ASIC2: variants seen among roughly 807,000 people sequenced by gnomAD.
ASIC2 encodes acid-sensing ion channel 2.
A neutral mutation model predicts 57.3 loss-of-function variants in ASIC2; 25 were observed. The ratio of observed to expected loss-of-function variants is 0.44; its 90% CI spans 0.32 to 0.61. The LOEUF (loss-of-function observed/expected upper bound fraction) is 0.61, where lower values mean the gene tolerates loss of function less well. Among genes scored for constraint, ASIC2 ranks in the 20% least tolerant of loss-of-function variants. The pLI is 0.06. For synonymous variants in ASIC2, 319 were observed against 307.5 expected (o/e 1.04, Z -0.39); for missense variants, 641 against 738.1 (o/e 0.87, Z 1.52).
intron 1 of ASIC2, among the ~76,000 whole-genome samples, chr17:33,858,644 A>G (rs528318399): frequency 6.6e-6 from 1 of 152,334 alleles, no homozygotes; most frequent in South Asian, 2.1e-4. Flanking sequence ...CTGCAGCCAA[A>G]GCGAGAGGCC....
intron 3 of ASIC2, among the ~76,000 whole-genome samples, chr17:33,040,378 T>C (rs1383993494): frequency 1.3e-5 from 2 of 152,214 alleles, no homozygotes; most frequent in African/African-American, 4.8e-5. Context: ...CAATGCAATG[T>C]AGTGGCTGGT....
chr17:33,823,203 G>T (rs969806518), intron 1 of ASIC2, among the ~76,000 whole-genome samples: 3 of 152,158 alleles, frequency 2.0e-5, no homozygotes, highest in African/African-American at 7.2e-5. Context: ...CTAGCTCGAT[G>T]ACACAAGGCT....
At chr17:33,478,760 C>A (rs955109584) in intron 1 of ASIC2, among the ~76,000 whole-genome samples, 2 of 152,204 alleles carry the variant, frequency 1.3e-5, no homozygotes, top group Admixed American at 1.3e-4. Flanking sequence ...ATTGATTTGC[C>A]CAAGGTTCTG....
At chr17:33,952,549 T>C (rs1320966025) in intron 1 of ASIC2, among the ~76,000 whole-genome samples, 1 of 152,190 alleles carries the variant, frequency 6.6e-6, no homozygotes, top group South Asian at 2.1e-4. Context: ...AGCAAAATGA[T>C]GGAAGATGCC....
intron 7 of ASIC2, among the ~76,000 whole-genome samples, chr17:33,020,452 C>G (rs991447535): frequency 6.6e-6 from 1 of 152,168 alleles, no homozygotes; most frequent in Non-Finnish European, 1.5e-5. Context: ...ACAGCTATTT[C>G]TCTTTCTGGT....
At chr17:33,405,633 G>A (rs1052673814) in intron 1 of ASIC2, among the ~76,000 whole-genome samples, 3 of 151,764 alleles carry the variant, frequency 2.0e-5, no homozygotes, top group Admixed American at 6.6e-5. Context: ...ACAGGCGCCC[G>A]CCACCACACC....
At chr17:33,497,199 T>C (rs923542777) in intron 1 of ASIC2, among the ~76,000 whole-genome samples, 1 of 152,260 alleles carries the variant, frequency 6.6e-6, no homozygotes, top group Non-Finnish European at 1.5e-5. Flanking sequence ...AATGAATGAA[T>C]GGACAGCTTC....
chr17:33,167,561 A>C (rs990824474), intron 1 of ASIC2, among the ~76,000 whole-genome samples: 4 of 152,134 alleles, frequency 2.6e-5, no homozygotes, highest in African/African-American at 9.7e-5. Flanking sequence ...GTGATGCTAA[A>C]TATATTTTTC....
intron 1 of ASIC2, among the ~76,000 whole-genome samples, chr17:33,436,629 C>T (rs1279641055): frequency 6.6e-6 from 1 of 152,114 alleles, no homozygotes; most frequent in African/African-American, 2.4e-5. Context: ...TCCATAAAAA[C>T]CCAGCCTTTG....
chr17:33,866,649 G>A (rs936419448), intron 1 of ASIC2, among the ~76,000 whole-genome samples: 2 of 151,986 alleles, frequency 1.3e-5, no homozygotes, highest in Non-Finnish European at 2.9e-5. Flanking sequence ...CATCTTTCTG[G>A]TTGCTGCCTT....
intron 1 of ASIC2, among the ~76,000 whole-genome samples, chr17:33,409,344 G>A (rs1910576323): frequency 1.3e-5 from 2 of 152,250 alleles, no homozygotes; most frequent in African/African-American, 4.8e-5. Flanking sequence ...CACAGAAACT[G>A]GAGTGACCTT....
chr17:33,799,890 G>T (rs1430464564), intron 1 of ASIC2, among the ~76,000 whole-genome samples: 1 of 152,068 alleles, frequency 6.6e-6, no homozygotes, highest in African/African-American at 2.4e-5. Context: ...AGACTATCTG[G>T]GTCCCCACAA....
At chr17:33,803,461 T>C (rs932427333) in intron 1 of ASIC2, among the ~76,000 whole-genome samples, 1 of 151,928 alleles carries the variant, frequency 6.6e-6, no homozygotes, top group Non-Finnish European at 1.5e-5. Flanking sequence ...ACCCTAAGAG[T>C]GTACCCCAGG....
intron 1 of ASIC2, among the ~76,000 whole-genome samples, chr17:33,648,911 G>T (rs1332694272): frequency 6.6e-6 from 1 of 152,094 alleles, no homozygotes; most frequent in African/African-American, 2.4e-5. Context: ...AAATAGAGGG[G>T]CTGTTCTTAA....
chr17:33,688,693 G>A (rs755444991), intron 1 of ASIC2: 3 of 152,230 alleles, frequency 2.0e-5, no homozygotes, highest in Non-Finnish European at 2.9e-5. Flanking sequence ...AAGCTGCTCT[G>A]TATGAATCTG....
chr17:34,102,326 T>C (rs1184839337), intron 1 of ASIC2, among the ~76,000 whole-genome samples: 1 of 151,522 alleles, frequency 6.6e-6, no homozygotes, highest in Non-Finnish European at 1.5e-5. Context: ...TGAGACTCCG[T>C]CTAAAAAATA....
chr17:33,899,446 G>C (rs767449620), intron 1 of ASIC2, among the ~76,000 whole-genome samples: 4 of 152,112 alleles, frequency 2.6e-5, no homozygotes, highest in African/African-American at 7.2e-5. Context: ...TGGTCAATTG[G>C]GGCAATACCG....
At chr17:33,431,558 T>A (rs1219153141) in intron 1 of ASIC2, among the ~76,000 whole-genome samples, 1 of 151,852 alleles carries the variant, frequency 6.6e-6, no homozygotes, top group Non-Finnish European at 1.5e-5. Flanking sequence ...TGAGCTGAGA[T>A]CGTAGCACTG....
intron 1 of ASIC2, among the ~76,000 whole-genome samples, chr17:33,448,563 A>G (rs933236436): frequency 1.3e-4 from 20 of 152,304 alleles, no homozygotes; most frequent in African/African-American, 4.8e-4. Context: ...TGATGTGGCT[A>G]CAAGCCAAGG....
Sources: allele counts gnomAD v4.1 joint callset (sites outside exome capture counted in the v4.1 genomes callset), GRCh38; gene constraint gnomAD v4.1.1; transcripts MANE v1.5; gene names NCBI Gene and HGNC (gene_info 2026-07-23, HGNC 2026-07-21).